CTNNA2: variants seen among roughly 807,000 people sequenced by gnomAD.
CTNNA2 encodes catenin alpha 2.
A neutral mutation model predicts 101.0 loss-of-function variants in CTNNA2; 42 were observed. The observed-to-expected ratio is 0.42, with a 90% CI of 0.32 to 0.54. The LOEUF (loss-of-function observed/expected upper bound fraction) is 0.54. Among genes scored for constraint, CTNNA2 ranks in the 20% least tolerant of loss-of-function variants. CTNNA2 has a pLI of 0.14. For synonymous variants in CTNNA2, 450 were observed against 456.4 expected, an observed-to-expected ratio of 0.99 and a Z score of 0.18; for missense variants, 871 against 1,223.1, an observed-to-expected ratio of 0.71 and a Z score of 4.29.
At chr2:80,556,938 T>G (rs977242086) in intron 12 of CTNNA2, among the ~76,000 whole-genome samples, 3 of 152,224 alleles carry the variant, frequency 2.0e-5, no homozygotes, top group African/African-American at 7.2e-5. Context: ...AGGTCAGATA[T>G]AGCCATGTTC....
At chr2:80,453,577 A>G (rs1683709423) in intron 9 of CTNNA2, among the ~76,000 whole-genome samples, 1 of 152,164 alleles carries the variant, frequency 6.6e-6, no homozygotes, top group Admixed American at 6.5e-5. Context: ...AAAAACAAAC[A>G]AAATAAAACA....
At chr2:80,118,319 C>A (rs932436498) in intron 7 of CTNNA2, among the ~76,000 whole-genome samples, 1 of 152,208 alleles carries the variant, frequency 6.6e-6, no homozygotes, top group African/African-American at 2.4e-5. Context: ...GGCAAGTCGT[C>A]ATTGGAATGG....
intron 18 of CTNNA2, among the ~76,000 whole-genome samples, chr2:80,634,917 G>C: frequency 6.6e-6 from 1 of 152,150 alleles, no homozygotes; most frequent in Non-Finnish European, 1.5e-5. Flanking sequence ...GCATGCACGA[G>C]GGTCAGGTTA....
chr2:79,672,668 A>AT lies in CTNNA2; in HGVS notation c.102+21016dup, dbSNP rs1420451068. 2.7e-5 allele frequency among the ~76,000 whole-genome samples: 4 copies of AT among 148,976 alleles called. No homozygotes were observed. In the East Asian group the frequency reaches 7.9e-4, roughly 29 times the overall value. On this transcript the variant is annotated intron_variant, in intron 2 of 18. Coordinates refer to ENST00000402739, the MANE Select transcript of CTNNA2 (RefSeq NM_001282597.3). ...AATAGGATAACTACCTGAAACATAG[A>AT]TTTTTTCCTAATATTTTCCGATGCA...
intron 9 of CTNNA2, among the ~76,000 whole-genome samples, chr2:80,519,001 C>T (rs1689313529): frequency 1.3e-5 from 2 of 151,932 alleles, no homozygotes; most frequent in African/African-American, 4.8e-5. Context: ...TGAAATCTGG[C>T]ATTGCTTAGA....
At chr2:79,852,266 G>A (rs1680777964) in intron 3 of CTNNA2, among the ~76,000 whole-genome samples, 1 of 152,180 alleles carries the variant, frequency 6.6e-6, no homozygotes, top group Admixed American at 6.5e-5. Context: ...TTATTAAGAT[G>A]TGAATGCTCT....
intron 7 of CTNNA2, among the ~76,000 whole-genome samples, chr2:80,037,426 G>A (rs775301550): frequency 1.3e-5 from 2 of 152,110 alleles, no homozygotes; most frequent in Non-Finnish European, 2.9e-5. Context: ...CTGCATCATC[G>A]TAATAGTTTG....
intron 1 of CTNNA2, among the ~76,000 whole-genome samples, chr2:79,641,896 G>A (rs1448263331): frequency 6.6e-6 from 1 of 152,164 alleles, no homozygotes; most frequent in Non-Finnish European, 1.5e-5. Context: ...TTTTATGAGT[G>A]TGCTATTGTA....
chr2:79,199,090 A>C (rs558641028), intron 2 of CTNNA2, among the ~76,000 whole-genome samples: 1 of 152,360 alleles, frequency 6.6e-6, no homozygotes, highest in South Asian at 2.1e-4. Flanking sequence ...ATTATCAGTT[A>C]TCTACAATTT....
chr2:79,874,543 G>T lies in CTNNA2; in HGVS notation c.852+201G>T, dbSNP rs182062719. 4.5e-3 allele frequency among the ~76,000 whole-genome samples: 686 copies of T among 152,306 alleles called. 7 individuals carry two copies. Among genetic ancestry groups the T allele is most frequent in the Non-Finnish European group, 7.6e-3 (514 of 68,036 alleles). On this transcript the variant is annotated intron_variant, in intron 6 of 18. Transcript: ENST00000402739. The stretch of plus-strand genomic sequence containing the variant: ...CACTTGTCTTTAAAGAAACAACTGT[G>T]GCTGCGGTGGCTCACCCCTGTAATC...
chr2:80,419,638 A>G, intron 9 of CTNNA2, 37 bp downstream of exon 9: 1 of 1,608,330 alleles, frequency 6.2e-7, no homozygotes. Flanking sequence ...GAGTTTACCG[A>G]TGGGTTCAAT....
intron 7 of CTNNA2, among the ~76,000 whole-genome samples, chr2:80,239,214 G>A (rs12994725): frequency 1.3e-5 from 2 of 152,146 alleles, no homozygotes; most frequent in Non-Finnish European, 2.9e-5. Context: ...TACTTTTGAT[G>A]TACTCTGAAG....
chr2:80,545,014 T>C lies in CTNNA2; in HGVS notation c.1323T>C (p.Asn441=). Residue 441 remains asparagine, a synonymous_variant, in exon 10 of 19, where the codon AAT becomes AAC. Coordinates refer to ENST00000402739, the MANE Select transcript of CTNNA2 (RefSeq NM_001282597.3). ...VANLACSISN[N]EEGVKLVRMA... is the part of the protein sequence containing the mutation. ...ATTTGGCCTGTTCCATCTCCAACAA[T>C]GAAGAAGGGGTGAAATTAGTTCGGA... is the stretch of plus-strand genomic sequence containing the variant. The C allele has an allele frequency of 6.2e-7, 1 of 1,614,018 alleles. No individual in the cohort carries two copies. Among genetic ancestry groups the C allele is most frequent in the South Asian group, 1.1e-5 (1 of 91,074 alleles).
intron 7 of CTNNA2, among the ~76,000 whole-genome samples, chr2:80,031,175 C>G (rs545423088): frequency 1.2e-3 from 186 of 151,598 alleles, no homozygotes; most frequent in Non-Finnish European, 2.1e-3. Context: ...CTCATTTCTG[C>G]CAAAAAAAAG....
chr2:80,364,348 G>A (rs1269597576), intron 7 of CTNNA2, among the ~76,000 whole-genome samples: 1 of 152,026 alleles, frequency 6.6e-6, no homozygotes, highest in Non-Finnish European at 1.5e-5. Context: ...TAAAATTAAA[G>A]CCTCTGTAAC....
chr2:79,218,367 GAGAC>G (rs1362930126), intron 2 of CTNNA2, among the ~76,000 whole-genome samples: 1 of 83,136 alleles, frequency 1.2e-5, no homozygotes, highest in Non-Finnish European at 2.7e-5. Context: ...TTTTTTTTTA[GAGAC>G]AGGATCTTGC....
intron 7 of CTNNA2, among the ~76,000 whole-genome samples, chr2:80,131,937 C>T (rs571248034): frequency 6.6e-5 from 10 of 152,094 alleles, no homozygotes; most frequent in African/African-American, 2.2e-4. Context: ...AAAAATTAGC[C>T]AGACGTGGTG....
chr2:79,629,982 C>A (rs1039962518), intron 1 of CTNNA2, among the ~76,000 whole-genome samples: 1 of 152,070 alleles, frequency 6.6e-6, no homozygotes, highest in Non-Finnish European at 1.5e-5. Context: ...TCTCTTACAC[C>A]CTAAGCCAAT....
intron 7 of CTNNA2, among the ~76,000 whole-genome samples, chr2:80,310,373 GC>G (rs1349721049): frequency 6.6e-6 from 1 of 152,120 alleles, no homozygotes; most frequent in Non-Finnish European, 1.5e-5. Context: ...ATAGGTGCTA[GC>G]TTTAGGTATC....
Sources: gnomAD v4.1 joint callset for allele counts (sites outside exome capture counted in the v4.1 genomes callset) on GRCh38, gnomAD v4.1.1 for gene constraint, MANE v1.5 for transcripts, NCBI Gene and HGNC (gene_info 2026-07-23, HGNC 2026-07-21) for gene names.